The following RERE variants were observed in gnomAD, a reference collection of about 807,000 sequenced individuals.
RERE encodes the protein arginine-glutamic acid dipeptide repeats protein.
RERE carries 40 observed loss-of-function variants against 146.1 expected under a neutral mutation model. The ratio of observed to expected loss-of-function variants is 0.27; its 90% CI spans 0.21 to 0.36. RERE has a LOEUF of 0.36. Ranked by LOEUF, RERE falls within the 10% of genes least tolerant of loss-of-function variation. The probability of loss-of-function intolerance (pLI) is 1.00; values close to 1 mark genes in which losing one functional copy is unlikely to be tolerated. For missense variants in RERE, 1,933 were observed against 2,138.7 expected (o/e 0.90, Z 1.90); for synonymous variants, 1,003 against 866.0 (o/e 1.16, Z -2.78).
intron 1 of RERE, among the ~76,000 whole-genome samples, chr1:8,667,402 T>C (rs551556555): frequency 6.6e-6 from 1 of 152,280 alleles, no homozygotes; most frequent in South Asian, 2.1e-4. Flanking sequence ...CGGCTAGGTG[T>C]GGTGGCTCAT....
rs1439033766 is a variant in RERE at position 8,470,010 on chromosome 1, A to G, written c.1105-3987T>C. ...TTCAGATGGCAGTTTCTCCTGAAGA[A>G]GCTATTCCAGTGACACGGTAACTCG... is the stretch of plus-strand genomic sequence containing the variant. On this transcript the variant is annotated intron_variant, in intron 10 of 22. Transcript: ENST00000400908. Among the ~76,000 whole-genome samples the G allele has an allele frequency of 5.3e-5, 8 of 152,180 alleles. No individual in the cohort carries two copies. In the East Asian group the frequency reaches 1.5e-3, roughly 29 times the overall value.
intron 1 of RERE, chr1:8,750,471 C>T (rs188872882): frequency 2.8e-4 from 291 of 1,034,346 alleles, no homozygotes; most frequent in East Asian, 1.7e-3. Context: ...CCTGCTGTGC[C>T]AGAAACCCTT....
chr1:8,402,470 A>C (rs931481978), intron 12 of RERE, among the ~76,000 whole-genome samples: 3 of 152,192 alleles, frequency 2.0e-5, no homozygotes, highest in African/African-American at 7.2e-5. Context: ...GGAATCCATA[A>C]ACAGAACAAA....
intron 12 of RERE, among the ~76,000 whole-genome samples, chr1:8,416,946 G>A (rs11121181): frequency 0.25 from 37,928 of 151,810 alleles, 5,770 homozygotes; most frequent in East Asian, 0.74. Flanking sequence ...CTGGCCTGAG[G>A]AGCACACTGT....
chr1:8,772,031 CACATGT>C (rs527562480), intron 1 of RERE, among the ~76,000 whole-genome samples: 4 of 151,848 alleles, frequency 2.6e-5, no homozygotes, highest in Non-Finnish European at 4.4e-5. Flanking sequence ...TATGTACTGT[CACATGT>C]ACATGTACAT....
At chr1:8,415,073 C>T (rs1014912247) in intron 12 of RERE, among the ~76,000 whole-genome samples, 5 of 152,104 alleles carry the variant, frequency 3.3e-5, no homozygotes, top group Non-Finnish European at 7.4e-5. Context: ...GTTTTAATGT[C>T]GGTTTCCTAA....
At chr1:8,620,585 A>C (rs1646904912) in intron 3 of RERE, among the ~76,000 whole-genome samples, 1 of 152,154 alleles carries the variant, frequency 6.6e-6, no homozygotes, top group Admixed American at 6.5e-5. Context: ...TGGCTCAATT[A>C]ATCTTTTCAT....
At chr1:8,509,240 C>G (rs2124301162) in intron 7 of RERE, among the ~76,000 whole-genome samples, 1 of 152,306 alleles carries the variant, frequency 6.6e-6, no homozygotes, top group Non-Finnish European at 1.5e-5. Context: ...AGCCACCACA[C>G]CTGGCCCCTA....
intron 1 of RERE, among the ~76,000 whole-genome samples, chr1:8,723,896 C>T (rs1195699852): frequency 1.3e-5 from 2 of 152,186 alleles, no homozygotes; most frequent in African/African-American, 2.4e-5. Flanking sequence ...GGACAGAATA[C>T]ACCAAAATAG....
chr1:8,700,651 G>C (rs1310202864), intron 1 of RERE, among the ~76,000 whole-genome samples: 2 of 152,172 alleles, frequency 1.3e-5, no homozygotes, highest in Non-Finnish European at 2.9e-5. Flanking sequence ...TAAGAGACAA[G>C]GGGGAAACAT....
At chr1:8,448,501 G>A (rs1644351143) in intron 11 of RERE, among the ~76,000 whole-genome samples, 1 of 152,200 alleles carries the variant, frequency 6.6e-6, no homozygotes, top group Non-Finnish European at 1.5e-5. Flanking sequence ...GCTCACGCCT[G>A]TAATCCCAGT....
chr1:8,601,626 C>CACACACA (rs1646627138), intron 4 of RERE, among the ~76,000 whole-genome samples: 3 of 94,978 alleles, frequency 3.2e-5, no homozygotes, highest in East Asian at 3.3e-4. Context: ...TCCAAGGTCA[C>CACACACA]CACACACACA....
chr1:8,368,027 G>T (rs1051671178), intron 12 of RERE, among the ~76,000 whole-genome samples: 1 of 152,202 alleles, frequency 6.6e-6, no homozygotes. Context: ...CTCTGTCCAA[G>T]GTCATGCTTC....
chr1:8,778,417 T>C (rs906992695), intron 1 of RERE, among the ~76,000 whole-genome samples: 2 of 152,224 alleles, frequency 1.3e-5, no homozygotes, highest in African/African-American at 4.8e-5. Flanking sequence ...CAGAGGTCTC[T>C]ACTCAGTTTA....
At chr1:8,440,588 TAA>T (rs61101850) in intron 11 of RERE, among the ~76,000 whole-genome samples, 97 of 71,302 alleles carry the variant, frequency 1.4e-3, no homozygotes, top group Admixed American at 1.8e-3. Context: ...AGACTCCACC[TAA>T]AAAAAAAAAA....
In RERE at chr1:8,615,952, C is replaced by T. The variant is rs1446032271; in HGVS notation, c.397-1266G>A. On this transcript the variant is annotated intron_variant, in intron 3 of 22. Transcript: ENST00000400908. ...GCAGTCAGTCTCTGATTCTCATGGC[C>T]TCAGTGATAGTATAGCTGACAGAGT... is the stretch of plus-strand genomic sequence containing the variant. Among the ~76,000 whole-genome samples the T allele has an allele frequency of 2.6e-5, 4 of 152,116 alleles. No individual in the cohort carries two copies. The East Asian group carries it at 7.7e-4, about 29-fold the overall frequency.
At chr1:8,413,110 C>A (rs1473489869) in intron 12 of RERE, among the ~76,000 whole-genome samples, 3 of 152,286 alleles carry the variant, frequency 2.0e-5, no homozygotes, top group Non-Finnish European at 4.4e-5. Context: ...ATTATTTATA[C>A]ATGCGTGAAC....
intron 11 of RERE, chr1:8,465,444 T>C: frequency 3.1e-6 from 1 of 318,468 alleles, no homozygotes; most frequent in East Asian, 8.2e-5. Flanking sequence ...CCCAGCTACT[T>C]AAGAAGCTGG....
chr1:8,567,856 A>C lies in RERE; in HGVS notation c.523-10333T>G, dbSNP rs1387956751. 2.0e-5 allele frequency among the ~76,000 whole-genome samples: 3 copies of C among 152,216 alleles called. No individual in the cohort carries two copies. In the East Asian group the frequency reaches 5.8e-4, roughly 29 times the overall value. Reference sequence around the variant, plus strand: ...ACACACAGAGATAAACTGTACGTCAAGGGGACTTAGCAGATAGGGACAGAC... The same window carrying C: ...ACACACAGAGATAAACTGTACGTCACGGGGACTTAGCAGATAGGGACAGAC... On this transcript the variant is annotated intron_variant, in intron 4 of 22. Transcript: ENST00000400908.
Sources: gnomAD v4.1 joint callset for allele counts (sites outside exome capture counted in the v4.1 genomes callset) on GRCh38, gnomAD v4.1.1 for gene constraint, MANE v1.5 for transcripts, NCBI Gene and HGNC (gene_info 2026-07-23, HGNC 2026-07-21) for gene names.